RHD: variants seen among roughly 807,000 people sequenced by gnomAD.
RHD encodes the protein blood group Rh(D) polypeptide.
A neutral mutation model predicts 45.5 loss-of-function variants in RHD; 16 were observed. The ratio of observed to expected loss-of-function variants is 0.35; its 90% confidence interval spans 0.24 to 0.53. The LOEUF (loss-of-function observed/expected upper bound fraction) is 0.53. Among genes scored for constraint, RHD ranks in the 20% least tolerant of loss-of-function variants. The probability of loss-of-function intolerance (pLI) is 0.92; values close to 1 mark genes in which losing one functional copy is unlikely to be tolerated. For synonymous variants in RHD, 131 were observed against 217.5 expected, an observed-to-expected ratio of 0.60 and a Z score of 3.50; for missense variants, 306 against 532.0, an observed-to-expected ratio of 0.58 and a Z score of 4.18.
Position 25,277,023 on chromosome 1 carries a change from C to T in RHD, c.148+4328C>T, listed in dbSNP as rs1250317924. Among the ~76,000 whole-genome samples the T allele has an allele frequency of 2.3e-5, 3 of 130,690 alleles. 1 individual carries two copies. Among genetic ancestry groups the T allele is most frequent in the Non-Finnish European group, 3.6e-5 (2 of 55,232 alleles). 85.7% of individuals were successfully genotyped at this position (130,690 alleles called of 152,430 possible). A position where few individuals can be genotyped will look rare whatever the true frequency, so the allele number is the denominator to read the frequency against. ...CGGAGCTTTCAGTGAGCTGAGATTA[C>T]GCCACTGCACTCCAGCCTGGGCAAC... On this transcript the variant is annotated intron_variant, in intron 1 of 9. Transcript: ENST00000328664.
intron 3 of RHD, among the ~76,000 whole-genome samples, chr1:25,293,880 A>G (rs1343067093): frequency 7.6e-6 from 1 of 132,312 alleles, no homozygotes; most frequent in African/African-American, 2.6e-5. Context: ...TTAAAAGGCA[A>G]AAGCTGATAT....
chr1:25,305,734 G>A lies in RHD; in HGVS notation c.940-862G>A, dbSNP rs772601236. The stretch of plus-strand genomic sequence containing the variant: ...TCCTGCCTCAGCCTCCTGAGTAGCT[G>A]GGTCTACAGGCGCCCACCACCACGC... On this transcript the variant is annotated intron_variant, in intron 6 of 9. Coordinates refer to ENST00000328664, the MANE Select transcript of RHD (RefSeq NM_016124.6). Among the ~76,000 whole-genome samples the A allele has an allele frequency of 1.5e-5, 2 of 130,068 alleles. 1 individual carries two copies. The highest frequency in any genetic ancestry group is 3.6e-5 in the Non-Finnish European group (2 of 55,414). 85.3% of individuals were successfully genotyped at this position (130,068 alleles called of 152,430 possible).
rs1431232883 is a variant in RHD, at chr1:25,303,537, A to G, written c.939+78A>G. 4 of 1,263,144 alleles carry G rather than the reference A, an allele frequency of 3.2e-6. 1 individual carries two copies. Among genetic ancestry groups the G allele is most frequent in the Non-Finnish European group, 4.6e-6 (4 of 876,510 alleles). The allele number at this position is 1,263,144 out of a possible 1,614,324, so 78.2% of individuals were successfully genotyped here. A position where few individuals can be genotyped will look rare whatever the true frequency, so the allele number is the denominator to read the frequency against. ...GCTGGGACCTGATGGGCCACTGTGCAGTGCACAGCTGCATTAGGCAGGTGT... is the reference window on the plus strand; with the variant it reads ...GCTGGGACCTGATGGGCCACTGTGCGGTGCACAGCTGCATTAGGCAGGTGT... On this transcript the variant is annotated intron_variant, in intron 6 of 9. Transcript: ENST00000328664.
chr1:25,298,301 C>A (rs894305265), intron 3 of RHD, among the ~76,000 whole-genome samples: 6 of 121,198 alleles, frequency 5.0e-5, no homozygotes, highest in African/African-American at 1.6e-4. Flanking sequence ...TTGTTGCAGT[C>A]TTCATAACGA....
chr1:25,301,052 A>C lies in RHD; in HGVS notation c.593A>C (p.Lys198Thr). 7.3e-7 allele frequency: 1 copy of C among 1,376,880 alleles called. No individual in the cohort carries two copies. The highest frequency in any genetic ancestry group is 1.0e-6 in the Non-Finnish European group (1 of 978,382). The allele number at this position is 1,376,880 out of a possible 1,614,324, so 85.3% of individuals were successfully genotyped here. A position where few individuals can be genotyped will look rare whatever the true frequency, so the allele number is the denominator to read the frequency against. ...CCTCTACCCGAGGGAACGGAGGATAAAGATCAGACAGCAACGATACCCAGT... is the reference window on the plus strand; with the variant it reads ...CCTCTACCCGAGGGAACGGAGGATACAGATCAGACAGCAACGATACCCAGT... ...PKPLPEGTEDKDQTATIPSLS... is the reference protein window; with the variant it reads ...PKPLPEGTEDTDQTATIPSLS... Residue 198 changes from lysine (K) to threonine (T), a missense_variant, in exon 4 of 10, where the codon AAA becomes ACA. Transcript: ENST00000328664.
At chr1:25,309,737 T>C (rs1372024339) in intron 7 of RHD, among the ~76,000 whole-genome samples, 3 of 131,586 alleles carry the variant, frequency 2.3e-5, no homozygotes, top group Admixed American at 7.4e-5. Flanking sequence ...CTTGGTTCAC[T>C]TCCCTAACCT....
chr1:25,321,423 G>A lies in RHD; in HGVS notation c.1154-466G>A, dbSNP rs143712728. On this transcript the variant is annotated intron_variant, in intron 8 of 9. Transcript: ENST00000328664. ...TGCCTGTAATACTAGCACTTTGGAA[G>A]GCTGAGGTGGGTGGATCACCTGAGG... 4.9e-5 allele frequency among the ~76,000 whole-genome samples: 6 copies of A among 122,480 alleles called. 1 individual carries two copies. Among genetic ancestry groups the A allele is most frequent in the African/African-American group, 1.6e-4 (6 of 36,484 alleles). The allele number at this position is 122,480 out of a possible 152,430, so 80.4% of individuals were successfully genotyped here.
At chr1:25,291,340 G>A (rs1312471958) in intron 3 of RHD, among the ~76,000 whole-genome samples, 2 of 130,910 alleles carry the variant, frequency 1.5e-5, no homozygotes, top group African/African-American at 5.2e-5. Context: ...ATGGTGGCAG[G>A]CGCCTGTAAT....
rs535937226 is a variant in RHD, at chr1:25,309,567, A to G, written c.1073+2838A>G. ...GTAAAAATAAGTCTATTTGGAGAAA[A>G]AAAATTTTAATAGCATCTCTGGAAT... On this transcript the variant is annotated intron_variant, in intron 7 of 9. Transcript: ENST00000328664. Among the ~76,000 whole-genome samples the G allele has an allele frequency of 3.8e-5, 5 of 132,314 alleles. 1 individual carries two copies. Among genetic ancestry groups the G allele is most frequent in the African/African-American group, 1.3e-4 (5 of 38,306 alleles). The allele number at this position is 132,314 out of a possible 152,430, so 86.8% of individuals were successfully genotyped here.
chr1:25,306,463 G>A, intron 6 of RHD, 133 bp from the exon 7 acceptor site: 2 of 886,880 alleles, frequency 2.3e-6, no homozygotes, highest in East Asian at 2.4e-5. Context: ...TCAAGTCTGA[G>A]AAGGGCTTCT....
Position 25,302,212 on chromosome 1 carries a change from T to C in RHD, c.801+526T>C, listed in dbSNP as rs1313554646. ...AAAGTGCTTAACGGGGAGTAAATGG[T>C]AGGCAAACATTAGCTGCTGCTATTA... On this transcript the variant is annotated intron_variant, in intron 5 of 9. Transcript: ENST00000328664. Among the ~76,000 whole-genome samples, 15 of 130,826 alleles carry C rather than the reference T, an allele frequency of 1.1e-4. 1 individual carries two copies. The highest frequency in any genetic ancestry group is 2.3e-4 in the Non-Finnish European group (13 of 55,504). The allele number at this position is 130,826 out of a possible 152,430, so 85.8% of individuals were successfully genotyped here.
intron 3 of RHD, among the ~76,000 whole-genome samples, chr1:25,295,849 AATTTTTTTTTTTTT>A (rs1642898048): frequency 3.0e-5 from 1 of 33,728 alleles, no homozygotes; most frequent in African/African-American, 5.8e-5. Flanking sequence ...GAATATGGGA[AATTTTTTTTTTTTT>A]TTTTTTTTTT....
intron 1 of RHD, 127 bp from the exon 2 acceptor site, chr1:25,284,446 T>C: frequency 1.1e-6 from 1 of 952,144 alleles, no homozygotes; most frequent in Non-Finnish European, 1.6e-6. Context: ...CAAAGTAACT[T>C]GACCAAATAC....
chr1:25,318,846 T>C (rs1644550686), intron 8 of RHD, among the ~76,000 whole-genome samples: 1 of 132,488 alleles, frequency 7.5e-6, no homozygotes, highest in South Asian at 2.3e-4. Flanking sequence ...TTTAACAAAC[T>C]GTATGGAGGT....
chr1:25,274,469 A>G (rs1323296501), intron 1 of RHD, among the ~76,000 whole-genome samples: 1 of 132,418 alleles, frequency 7.6e-6, no homozygotes, highest in East Asian at 1.9e-4. Context: ...TAACGTAGGT[A>G]CAAAATGTCC....
chr1:25,304,365 G>A (rs1312682428), intron 6 of RHD: 1 of 124,438 alleles, frequency 8.0e-6, no homozygotes, highest in African/African-American at 2.8e-5. Flanking sequence ...TTGGGAGGCC[G>A]AGGCGGGCAG....
chr1:25,309,216 T>G (rs185463224), intron 7 of RHD, among the ~76,000 whole-genome samples: 1 of 131,764 alleles, frequency 7.6e-6, no homozygotes, highest in Non-Finnish European at 1.8e-5. Context: ...GATGGAGCAT[T>G]TCCCACAAAC....
At chr1:25,324,925 G>GT (rs1379983625) in intron 9 of RHD, among the ~76,000 whole-genome samples, 7 of 111,586 alleles carry the variant, frequency 6.3e-5, no homozygotes, top group Non-Finnish European at 1.1e-4. Flanking sequence ...GTGGATGCCT[G>GT]TAATCCCAGC....
At chr1:25,285,656 T>G (rs1227002274) in intron 2 of RHD, among the ~76,000 whole-genome samples, 1 of 135,288 alleles carries the variant, frequency 7.4e-6, no homozygotes, top group Non-Finnish European at 1.8e-5. Flanking sequence ...AATAACCGCA[T>G]GGGGTGCAGA....
Sources: gnomAD v4.1 joint callset for allele counts (sites outside exome capture counted in the v4.1 genomes callset) on GRCh38, gnomAD v4.1.1 for gene constraint, MANE v1.5 for transcripts, NCBI Gene and HGNC (gene_info 2026-07-23, HGNC 2026-07-21) for gene names.